VEPH1: variants seen among roughly 807,000 people sequenced by gnomAD.
VEPH1 encodes the protein ventricular zone-expressed PH domain-containing protein homolog 1.
In VEPH1, 80 loss-of-function variants were observed where a neutral mutation model predicts 85.2. The observed-to-expected ratio is 0.94, with a 90% CI of 0.78 to 1.13. The LOEUF is 1.13. Ranked by LOEUF, VEPH1 falls within the 50% of genes most tolerant of loss-of-function variation. VEPH1 has a pLI of 0.00. For synonymous variants in VEPH1, 297 were observed against 348.0 expected, an observed-to-expected ratio of 0.85 and a Z score of 1.63; for missense variants, 955 against 980.5, an observed-to-expected ratio of 0.97 and a Z score of 0.35.
chr3:157,446,113 T>C (rs1015323358), intron 4 of VEPH1, among the ~76,000 whole-genome samples: 2 of 152,080 alleles, frequency 1.3e-5, no homozygotes, highest in Non-Finnish European at 2.9e-5. Flanking sequence ...TATTACAGCA[T>C]AGTAAAGTAA....
chr3:157,290,347 C>T (rs1297477742), intron 11 of VEPH1, among the ~76,000 whole-genome samples: 3 of 152,108 alleles, frequency 2.0e-5, no homozygotes. Context: ...TGACTGTAGC[C>T]CTGTGAGACC....
intron 4 of VEPH1, among the ~76,000 whole-genome samples, chr3:157,455,037 G>C (rs1235585801): frequency 6.6e-6 from 1 of 152,160 alleles, no homozygotes; most frequent in African/African-American, 2.4e-5. Flanking sequence ...ATTGTAAATA[G>C]TGTTGCAATG....
At chr3:157,493,031 T>G (rs1739354751) in intron 2 of VEPH1, among the ~76,000 whole-genome samples, 1 of 152,074 alleles carries the variant, frequency 6.6e-6, no homozygotes. Context: ...TTGGGCCAGG[T>G]GTTCACCTCT....
At chr3:157,359,889 C>T (rs1725856425) in intron 9 of VEPH1, among the ~76,000 whole-genome samples, 1 of 152,126 alleles carries the variant, frequency 6.6e-6, no homozygotes, top group South Asian at 2.1e-4. Context: ...GACTTTGTAA[C>T]AGCAGTCCAA....
intron 10 of VEPH1, among the ~76,000 whole-genome samples, chr3:157,314,350 A>AAAAAAAAAAAAAAAAT (rs1244590736): frequency 6.7e-6 from 1 of 149,858 alleles, no homozygotes; most frequent in Non-Finnish European, 1.5e-5. Context: ...AAAAAAAAAA[A>AAAAAAAAAAAAAAAAT]AAAAAAAAAA....
chr3:157,377,096 G>T (rs1409409489), intron 7 of VEPH1, among the ~76,000 whole-genome samples: 1 of 152,138 alleles, frequency 6.6e-6, no homozygotes, highest in Non-Finnish European at 1.5e-5. Context: ...ACAAAAGGCT[G>T]GCTGTCCACA....
intron 6 of VEPH1, chr3:157,409,787 A>C: frequency 1.8e-5 from 18 of 985,368 alleles, no homozygotes; most frequent in Non-Finnish European, 2.0e-5. Context: ...AAGGTGAGGC[A>C]TAAGCCAATC....
intron 4 of VEPH1, chr3:157,442,985 G>T: frequency 6.3e-7 from 1 of 1,582,388 alleles, no homozygotes; most frequent in East Asian, 2.2e-5. Flanking sequence ...CATAAATGTT[G>T]TGAAACTCCA....
intron 5 of VEPH1, among the ~76,000 whole-genome samples, chr3:157,416,442 T>C (rs1731916291): frequency 6.6e-6 from 1 of 152,188 alleles, no homozygotes; most frequent in African/African-American, 2.4e-5. Flanking sequence ...TAGGGAGCAA[T>C]TGTATGTCCT....
At chr3:157,261,423 A>G in intron 13 of VEPH1, 53 bp from the exon 14 acceptor site, 4 of 1,591,316 alleles carry the variant, frequency 2.5e-6, no homozygotes, top group Non-Finnish European at 3.4e-6. Context: ...GTAGGCAAGG[A>G]TCTCTGGCTA....
rs1553773117 is a variant in VEPH1, at chr3:157,369,192, A to AAAAAAAAAAAAAAAAAAAAAAC, written c.1128-4681_1128-4680insGTTTTTTTTTTTTTTTTTTTTT. Reference sequence around the variant, plus strand: ...ACAAAAACCAAATGAAAAAAAAAAAAAAAAAAAAAAAACCTCCTGAGGTCT... The same window carrying AAAAAAAAAAAAAAAAAAAAAAC: ...ACAAAAACCAAATGAAAAAAAAAAAAAAAAAAAAAAAAAAAAAAAAACAAAAAAAAAAAACCTCCTGAGGTCT... On this transcript the variant is annotated intron_variant, in intron 7 of 13. Coordinates refer to ENST00000362010, the MANE Select transcript of VEPH1 (RefSeq NM_001167912.2). Among the ~76,000 whole-genome samples, 26 of 142,778 alleles carry AAAAAAAAAAAAAAAAAAAAAAC rather than the reference A, an allele frequency of 1.8e-4. 1 individual carries two copies. The highest frequency in any genetic ancestry group is 3.5e-4 in the Admixed American group (5 of 14,256). 93.7% of individuals were successfully genotyped at this position (142,778 alleles called of 152,430 possible). A position where few individuals can be genotyped will look rare whatever the true frequency, so the allele number is the denominator to read the frequency against.
intron 6 of VEPH1, among the ~76,000 whole-genome samples, chr3:157,413,176 A>G (rs1268668337): frequency 2.0e-5 from 3 of 152,190 alleles, no homozygotes; most frequent in Admixed American, 6.5e-5. Context: ...CTAAATCCCA[A>G]CATGAAATCA....
intron 12 of VEPH1, among the ~76,000 whole-genome samples, chr3:157,281,449 T>C (rs1338712164): frequency 6.6e-6 from 1 of 152,212 alleles, no homozygotes; most frequent in African/African-American, 2.4e-5. Flanking sequence ...CTACCAACAC[T>C]TAGCACGTAG....
intron 7 of VEPH1, among the ~76,000 whole-genome samples, chr3:157,368,769 G>C (rs1354021029): frequency 6.6e-6 from 1 of 152,052 alleles, no homozygotes; most frequent in African/African-American, 2.4e-5. Context: ...GGGATTACAG[G>C]CGTGAGCCAC....
At chr3:157,411,232 T>G (rs1282394487) in intron 6 of VEPH1, among the ~76,000 whole-genome samples, 1 of 152,190 alleles carries the variant, frequency 6.6e-6, no homozygotes, top group Non-Finnish European at 1.5e-5. Context: ...AACATGGCAC[T>G]CTAGAGAGAT....
intron 5 of VEPH1, among the ~76,000 whole-genome samples, chr3:157,425,484 G>A (rs1040231426): frequency 2.0e-5 from 3 of 152,130 alleles, no homozygotes; most frequent in African/African-American, 4.8e-5. Context: ...AGTGTGACTC[G>A]GATGCGAGAC....
chr3:157,487,409 C>A (rs1460135826), intron 2 of VEPH1, among the ~76,000 whole-genome samples: 1 of 152,010 alleles, frequency 6.6e-6, no homozygotes, highest in Non-Finnish European at 1.5e-5. Context: ...TAATTTTCCT[C>A]AAAAAGATTG....
intron 4 of VEPH1, among the ~76,000 whole-genome samples, chr3:157,429,128 G>T (rs1012417252): frequency 1.3e-5 from 2 of 152,240 alleles, no homozygotes; most frequent in Non-Finnish European, 2.9e-5. Flanking sequence ...AAAACCTCAA[G>T]AAAACTATTA....
intron 3 of VEPH1, among the ~76,000 whole-genome samples, chr3:157,467,379 A>C (rs1431510981): frequency 6.6e-6 from 1 of 152,046 alleles, no homozygotes; most frequent in African/African-American, 2.4e-5. Context: ...CTAACTTTTG[A>C]AAGTTGGCCT....
Sources: allele counts gnomAD v4.1 joint callset (sites outside exome capture counted in the v4.1 genomes callset), GRCh38; gene constraint gnomAD v4.1.1; transcripts MANE v1.5; gene names NCBI Gene and HGNC (gene_info 2026-07-23, HGNC 2026-07-21).